The following GALNT18 variants were observed in gnomAD, a reference collection of about 807,000 sequenced individuals.
GALNT18 encodes the protein GalNAc-transferase 18.
GALNT18 carries 44 observed loss-of-function variants against 69.5 expected under a neutral mutation model. The observed-to-expected ratio is 0.63, with a 90% CI of 0.50 to 0.81. The LOEUF is 0.81. Among genes scored for constraint, GALNT18 ranks in the 40% least tolerant of loss-of-function variants. GALNT18 has a pLI of 0.00. For missense variants in GALNT18, 715 were observed against 810.0 expected, an observed-to-expected ratio of 0.88 and a Z score of 1.42; for synonymous variants, 364 against 318.2, an observed-to-expected ratio of 1.14 and a Z score of -1.53.
intron 10 of GALNT18, among the ~76,000 whole-genome samples, chr11:11,278,928 C>G (rs530472907): frequency 1.2e-4 from 18 of 152,308 alleles, no homozygotes; most frequent in Non-Finnish European, 2.1e-4. Flanking sequence ...GATCATTACA[C>G]ATTATATGCC....
intron 9 of GALNT18, among the ~76,000 whole-genome samples, chr11:11,302,775 G>T (rs746264258): frequency 5.3e-5 from 8 of 152,208 alleles, no homozygotes; most frequent in Non-Finnish European, 8.8e-5. Flanking sequence ...CATCGCACTC[G>T]GATATCTCAA....
chr11:11,529,929 T>G (rs887934754), intron 1 of GALNT18, among the ~76,000 whole-genome samples: 3 of 152,188 alleles, frequency 2.0e-5, no homozygotes, highest in African/African-American at 7.2e-5. Flanking sequence ...CATTCCTGCA[T>G]CTTTCTGAAG....
At position 11,432,969 on chromosome 11, in the gene GALNT18, T is replaced by C. The variant is rs1332414126; in HGVS notation, c.429-182A>G. Among the ~76,000 whole-genome samples the C allele has an allele frequency of 1.3e-5, 2 of 152,170 alleles. No homozygotes were observed. Among genetic ancestry groups the C allele is most frequent in the Non-Finnish European group, 2.9e-5 (2 of 68,026 alleles). On this transcript the variant is annotated intron_variant, in intron 2 of 10. Transcript: ENST00000227756. This position sits in a 1 kb window ranked among gnomAD's most constrained non-coding sequence, Gnocchi z 5.8. ...TGTCCAGCAGAAAGGCCCACAAGCA[T>C]TGAAACCAGTTCACCCCACACCTGA... is the stretch of plus-strand genomic sequence containing the variant.
intron 9 of GALNT18, among the ~76,000 whole-genome samples, chr11:11,293,607 T>C (rs67132357): frequency 0.16 from 23,020 of 146,672 alleles, 1,959 homozygotes; most frequent in East Asian, 0.23. Context: ...GTGGCGCTAT[T>C]TCGGCTCACT....
intron 1 of GALNT18, among the ~76,000 whole-genome samples, chr11:11,498,589 A>G (rs1856913941): frequency 6.6e-6 from 1 of 152,236 alleles, no homozygotes; most frequent in African/African-American, 2.4e-5. Context: ...GCCTGAGCTC[A>G]GGAGTTCGCA....
At position 11,596,897 on chromosome 11, in the gene GALNT18, ATTCAGTCT is replaced by A. The variant is rs1859513231; in HGVS notation, c.235+24454_235+24461del. ...CTGATACTGAATGATCTTAATGGTC[ATTCAGTCT>A]TTGACCATTAAGTATGATGTTAGTT... On this transcript the variant is annotated intron_variant, in intron 1 of 10. Coordinates refer to ENST00000227756, the MANE Select transcript of GALNT18 (RefSeq NM_198516.3). This position sits in a 1 kb window ranked among gnomAD's most constrained non-coding sequence, Gnocchi z 4.2. Among the ~76,000 whole-genome samples the A allele has an allele frequency of 6.6e-6, 1 of 152,148 alleles. No homozygotes were observed. The highest frequency in any genetic ancestry group is 1.5e-5 in the Non-Finnish European group (1 of 67,998).
chr11:11,336,019 A>G (rs1850105435), intron 7 of GALNT18, among the ~76,000 whole-genome samples: 2 of 152,206 alleles, frequency 1.3e-5, no homozygotes, highest in Admixed American at 6.5e-5. Context: ...TAACTTAGCC[A>G]CATAAAAAGT....
At position 11,470,841 on chromosome 11, in the gene GALNT18, C is replaced by G. The variant is rs1590031922; in HGVS notation, c.236-21905G>C. ...TGCTGCATTCTTAGCCTCTGACCAT[C>G]TGTGGCCCCAGGACACTACTGTGCT... On this transcript the variant is annotated intron_variant, in intron 1 of 10. Coordinates refer to ENST00000227756, the MANE Select transcript of GALNT18 (RefSeq NM_198516.3). This position sits in a 1 kb window ranked among gnomAD's most constrained non-coding sequence, Gnocchi z 4.8. Among the ~76,000 whole-genome samples, 1 of 152,174 alleles carries G rather than the reference C, an allele frequency of 6.6e-6. No homozygotes were observed. The highest frequency in any genetic ancestry group is 1.9e-4 in the East Asian group (1 of 5,184).
At chr11:11,334,451 G>A (rs554725711) in intron 7 of GALNT18, among the ~76,000 whole-genome samples, 1 of 151,900 alleles carries the variant, frequency 6.6e-6, no homozygotes, top group South Asian at 2.1e-4. Flanking sequence ...GCTGAGGCAG[G>A]AGAATGGTGT....
rs1856884058 is a variant in GALNT18, at chr11:11,497,327, A to ACACACAC, written c.236-48392_236-48391insGTGTGTG. Among the ~76,000 whole-genome samples the ACACACAC allele has an allele frequency of 1.5e-5, 2 of 132,324 alleles. No individual in the cohort carries two copies. Among genetic ancestry groups the ACACACAC allele is most frequent in the Non-Finnish European group, 3.2e-5 (2 of 63,196 alleles). The allele number at this position is 132,324 out of a possible 152,430, so 86.8% of individuals were successfully genotyped here. Reference sequence around the variant, plus strand: ...TATTTATGTTTTACCTCCTGTCTCCAACACACACACACACACACACACACA... The same window carrying ACACACAC: ...TATTTATGTTTTACCTCCTGTCTCCACACACACACACACACACACACACACACACACA... On this transcript the variant is annotated intron_variant, in intron 1 of 10. Transcript: ENST00000227756. This position sits in a 1 kb window ranked among gnomAD's most constrained non-coding sequence, Gnocchi z 4.2.
In GALNT18 at chr11:11,415,311, C is replaced by T. The variant is rs750608724; in HGVS notation, c.595+17310G>A. Among the ~76,000 whole-genome samples the T allele has an allele frequency of 2.4e-4, 36 of 152,136 alleles. No individual in the cohort carries two copies. The highest frequency in any genetic ancestry group is 2.6e-4 in the Admixed American group (4 of 15,278). ...TGAATAACTCGGCGAAGTGAATATACACCACTTCCCAGGAATCAGGGCTGG... is the reference window on the plus strand; with the variant it reads ...TGAATAACTCGGCGAAGTGAATATATACCACTTCCCAGGAATCAGGGCTGG... On this transcript the variant is annotated intron_variant, in intron 3 of 10. Coordinates refer to ENST00000227756, the MANE Select transcript of GALNT18 (RefSeq NM_198516.3). The surrounding 1 kb of genome is among the most constrained non-coding windows in gnomAD (Gnocchi z 4.1).
At chr11:11,547,437 G>C (rs561167706) in intron 1 of GALNT18, among the ~76,000 whole-genome samples, 16 of 152,340 alleles carry the variant, frequency 1.1e-4, no homozygotes, top group Admixed American at 8.5e-4. Context: ...ACTCGGGGTG[G>C]CTTTCTTCAG....
In GALNT18 at chr11:11,436,120, G is replaced by T. The variant is rs7935040; in HGVS notation, c.429-3333C>A. On this transcript the variant is annotated intron_variant, in intron 2 of 10. Transcript: ENST00000227756. This position sits in a 1 kb window ranked among gnomAD's most constrained non-coding sequence, Gnocchi z 4.5. ...TGGGCAGGGTAAGGAAGATGATATG[G>T]GGGGATCGTTTTTGGGAAAGCGTTT... Among the ~76,000 whole-genome samples the T allele has an allele frequency of 0.022, 3,350 of 152,316 alleles. 122 individuals are homozygous for T. The highest frequency in any genetic ancestry group is 0.077 in the African/African-American group (3,208 of 41,554).
At chr11:11,395,732 C>A (rs1854310689) in intron 3 of GALNT18, among the ~76,000 whole-genome samples, 1 of 152,104 alleles carries the variant, frequency 6.6e-6, no homozygotes, top group African/African-American at 2.4e-5. Flanking sequence ...GGGAGAAAGA[C>A]CAGCAGGACA....
At position 11,356,537 on chromosome 11, in the gene GALNT18, A is replaced by T. The variant is rs542454259; in HGVS notation, c.1093-15533T>A. ...TCAGGAAATTAAACATTGATACATG[A>T]CTATTATCAAATCCCCAGTCTATAA... On this transcript the variant is annotated intron_variant, in intron 6 of 10. Transcript: ENST00000227756. The surrounding 1 kb of genome is among the most constrained non-coding windows in gnomAD (Gnocchi z 4.4). Among the ~76,000 whole-genome samples the T allele has an allele frequency of 1.3e-5, 2 of 152,254 alleles. No homozygotes were observed. The highest frequency in any genetic ancestry group is 4.8e-5 in the African/African-American group (2 of 41,546).
intron 6 of GALNT18, among the ~76,000 whole-genome samples, chr11:11,357,476 C>A (rs113895029): frequency 6.6e-6 from 1 of 152,186 alleles, no homozygotes; most frequent in African/African-American, 2.4e-5. Context: ...CCACCCACTC[C>A]CTCCTTAGAC....
At chr11:11,310,359 C>T (rs1849648870) in intron 9 of GALNT18, among the ~76,000 whole-genome samples, 1 of 152,188 alleles carries the variant, frequency 6.6e-6, no homozygotes, top group Non-Finnish European at 1.5e-5. Flanking sequence ...TTAGTTGTTC[C>T]TTTGTTCAAC....
chr11:11,471,696 T>A (rs2133854420), intron 1 of GALNT18, among the ~76,000 whole-genome samples: 1 of 152,280 alleles, frequency 6.6e-6, no homozygotes, highest in East Asian at 1.9e-4. Flanking sequence ...GCAAGGAAAC[T>A]GAGGCTCAGA....
rs1859382273 is a variant in GALNT18 at position 11,592,516 on chromosome 11, T to A, written c.235+28843A>T. 6.6e-6 allele frequency among the ~76,000 whole-genome samples: 1 copy of A among 152,090 alleles called. No homozygotes were observed. Among genetic ancestry groups the A allele is most frequent in the African/African-American group, 2.4e-5 (1 of 41,394 alleles). On this transcript the variant is annotated intron_variant, in intron 1 of 10. Transcript: ENST00000227756. The surrounding 1 kb of genome is among the most constrained non-coding windows in gnomAD (Gnocchi z 5.9). ...CCATGGCTCCCTGGCAGAACCATGC[T>A]CCCTCACCTTACCCCCACACACAGC...
Sources: gnomAD v4.1 joint callset for allele counts (sites outside exome capture counted in the v4.1 genomes callset) on GRCh38, gnomAD v4.1.1 for gene constraint, Gnocchi (gnomAD v3.1) non-coding constraint, MANE v1.5 for transcripts, NCBI Gene and HGNC (gene_info 2026-07-23, HGNC 2026-07-21) for gene names.